Variants in GALNTL6 observed in about 807,000 individuals in gnomAD.
GALNTL6 encodes polypeptide N-acetylgalactosaminyltransferase-like 6.
Under a neutral mutation model 73.7 loss-of-function variants are expected in GALNTL6, and 46 were observed. That is an observed-to-expected ratio of 0.62 (90% CI 0.49 to 0.80). GALNTL6 has a LOEUF of 0.80. Among genes scored for constraint, GALNTL6 ranks in the 30% least tolerant of loss-of-function variants. The pLI is 0.00. For synonymous variants in GALNTL6, 259 were observed against 263.7 expected (o/e 0.98, Z 0.17); for missense variants, 604 against 755.0 (o/e 0.80, Z 2.34).
intron 5 of GALNTL6, chr4:172,380,467 C>A: frequency 6.0e-6 from 3 of 502,902 alleles, no homozygotes; most frequent in South Asian, 1.8e-5. Context: ...CCTTGACGAT[C>A]CTGCTGGGCA....
At chr4:172,610,000 C>A (rs554127552) in intron 5 of GALNTL6, among the ~76,000 whole-genome samples, 1 of 151,882 alleles carries the variant, frequency 6.6e-6, no homozygotes, top group African/African-American at 2.4e-5. Context: ...TCATAATATT[C>A]TCTTATGGTT....
At chr4:172,057,907 T>C (rs530433812) in intron 2 of GALNTL6, among the ~76,000 whole-genome samples, 1 of 151,792 alleles carries the variant, frequency 6.6e-6, no homozygotes, top group East Asian at 1.9e-4. Flanking sequence ...ACATAGCTCT[T>C]TCCTGAGATA....
intron 3 of GALNTL6, among the ~76,000 whole-genome samples, chr4:172,236,865 C>T (rs1344830665): frequency 2.0e-5 from 3 of 152,110 alleles, no homozygotes; most frequent in Non-Finnish European, 2.9e-5. Flanking sequence ...CCTCAACCTC[C>T]TCCTACCCTT....
intron 5 of GALNTL6, among the ~76,000 whole-genome samples, chr4:172,700,598 C>T (rs755965760): frequency 4.6e-5 from 7 of 152,076 alleles, no homozygotes; most frequent in Non-Finnish European, 8.8e-5. Context: ...AGCCGGTTTT[C>T]CACAATCAGC....
chr4:172,153,064 A>C (rs1734147455), intron 2 of GALNTL6, among the ~76,000 whole-genome samples: 2 of 152,180 alleles, frequency 1.3e-5, no homozygotes, highest in South Asian at 4.1e-4. Flanking sequence ...TATACATAAA[A>C]ATTGCCTTCA....
intron 12 of GALNTL6, among the ~76,000 whole-genome samples, chr4:173,025,203 C>A (rs1289445395): frequency 3.9e-5 from 6 of 152,182 alleles, no homozygotes; most frequent in African/African-American, 1.4e-4. Context: ...ACAGCTGTTT[C>A]CTACAATAAC....
intron 3 of GALNTL6, among the ~76,000 whole-genome samples, chr4:172,241,180 T>A (rs1264819920): frequency 6.6e-6 from 1 of 152,198 alleles, no homozygotes; most frequent in Non-Finnish European, 1.5e-5. Context: ...GCCAGTAGGC[T>A]GGTAGGTAGG....
chr4:172,656,127 T>A (rs1730993426), intron 5 of GALNTL6, among the ~76,000 whole-genome samples: 1 of 152,180 alleles, frequency 6.6e-6, no homozygotes, highest in Admixed American at 6.5e-5. Context: ...AAAAGCATTA[T>A]TGAAAGTCAC....
At chr4:172,190,622 G>C (rs1354466268) in intron 2 of GALNTL6, among the ~76,000 whole-genome samples, 2 of 152,162 alleles carry the variant, frequency 1.3e-5, no homozygotes, top group Non-Finnish European at 2.9e-5. Flanking sequence ...AAGCCTGAGA[G>C]GCATGGAGGG....
intron 5 of GALNTL6, among the ~76,000 whole-genome samples, chr4:172,664,148 T>C (rs903246281): frequency 1.1e-4 from 17 of 152,282 alleles, no homozygotes; most frequent in Admixed American, 2.6e-4. Flanking sequence ...CAGAGAATGT[T>C]CCCGTATTAA....
At chr4:171,866,173 G>A (rs2110886940) in intron 2 of GALNTL6, among the ~76,000 whole-genome samples, 1 of 152,164 alleles carries the variant, frequency 6.6e-6, no homozygotes, top group Middle Eastern at 3.4e-3. Context: ...AGGTAATGTT[G>A]TGGTGTTTTA....
At chr4:171,875,301 G>T (rs1181227585) in intron 2 of GALNTL6, among the ~76,000 whole-genome samples, 2 of 152,170 alleles carry the variant, frequency 1.3e-5, no homozygotes, top group African/African-American at 4.8e-5. Flanking sequence ...GGACTGACCG[G>T]GCTGGGAGCA....
chr4:172,163,638 A>G (rs1238715583), intron 2 of GALNTL6, among the ~76,000 whole-genome samples: 1 of 152,042 alleles, frequency 6.6e-6, no homozygotes, highest in Non-Finnish European at 1.5e-5. Context: ...TGTATTTATT[A>G]TGTACAGATC....
At chr4:171,931,889 G>A (rs1370339824) in intron 2 of GALNTL6, among the ~76,000 whole-genome samples, 2 of 152,118 alleles carry the variant, frequency 1.3e-5, no homozygotes, top group South Asian at 2.1e-4. Context: ...TATGTTGTGA[G>A]TTAATGAAAT....
At chr4:172,034,822 C>A (rs1292939131) in intron 2 of GALNTL6, among the ~76,000 whole-genome samples, 1 of 151,998 alleles carries the variant, frequency 6.6e-6, no homozygotes, top group South Asian at 2.1e-4. Flanking sequence ...TCTTTTGGTG[C>A]ATCAACAGTC....
At chr4:172,616,269 C>G (rs948195424) in intron 5 of GALNTL6, among the ~76,000 whole-genome samples, 2 of 152,118 alleles carry the variant, frequency 1.3e-5, no homozygotes. Flanking sequence ...AATGCTCAAT[C>G]GTCTATTGTA....
At chr4:172,863,649 A>G (rs1426037894) in intron 7 of GALNTL6, among the ~76,000 whole-genome samples, 2 of 152,174 alleles carry the variant, frequency 1.3e-5, no homozygotes, top group Non-Finnish European at 2.9e-5. Context: ...TTACAGGCTC[A>G]GAAGAGATTT....
At chr4:172,011,367 G>C (rs1427385121) in intron 2 of GALNTL6, among the ~76,000 whole-genome samples, 5 of 152,076 alleles carry the variant, frequency 3.3e-5, no homozygotes, top group Non-Finnish European at 7.4e-5. Context: ...ATAGAAAACA[G>C]GAAGGAAGTG....
At chr4:172,912,571 C>T (rs1193843501) in intron 8 of GALNTL6, among the ~76,000 whole-genome samples, 1 of 152,194 alleles carries the variant, frequency 6.6e-6, no homozygotes, top group Non-Finnish European at 1.5e-5. Context: ...GATTATATCC[C>T]ATGCTTGGCT....
Sources: allele counts gnomAD v4.1 joint callset (sites outside exome capture counted in the v4.1 genomes callset), GRCh38; gene constraint gnomAD v4.1.1; transcripts MANE v1.5; gene names NCBI Gene and HGNC (gene_info 2026-07-23, HGNC 2026-07-21).